Variants in DYNC1I1 observed in about 807,000 individuals in gnomAD.
The protein encoded by DYNC1I1 is dynein cytoplasmic 1 intermediate chain 1.
In DYNC1I1, 43 loss-of-function variants were observed where a neutral mutation model predicts 86.6. The ratio of observed to expected loss-of-function variants is 0.50; its 90% confidence interval spans 0.39 to 0.64. DYNC1I1 has a LOEUF of 0.64. DYNC1I1 is among the 30% of genes least tolerant of loss of function. DYNC1I1 has a pLI of 0.00. For missense variants in DYNC1I1, 604 were observed against 788.8 expected, an observed-to-expected ratio of 0.77 and a Z score of 2.81; for synonymous variants, 262 against 283.7, an observed-to-expected ratio of 0.92 and a Z score of 0.77.
intron 10 of DYNC1I1, among the ~76,000 whole-genome samples, chr7:96,027,724 A>T (rs189617565): frequency 6.6e-6 from 1 of 152,280 alleles, no homozygotes; most frequent in African/African-American, 2.4e-5. Flanking sequence ...TGAATCTAGA[A>T]TTACTCTGCC....
chr7:95,947,930 C>G (rs1243281512), intron 6 of DYNC1I1, among the ~76,000 whole-genome samples: 2 of 146,320 alleles, frequency 1.4e-5, no homozygotes, highest in Non-Finnish European at 3.0e-5. Context: ...TTCTCTCCAT[C>G]TTTTCAAACT....
intron 1 of DYNC1I1, among the ~76,000 whole-genome samples, chr7:95,779,227 CCT>C (rs566978070): frequency 2.0e-4 from 31 of 152,186 alleles, no homozygotes; most frequent in African/African-American, 7.5e-4. Flanking sequence ...TGAAATCTTC[CCT>C]GTTTAAATAA....
Position 96,094,210 on chromosome 7 carries a change from T to C in DYNC1I1, c.1777-3273T>C, listed in dbSNP as rs1790930500. Among the ~76,000 whole-genome samples, 2 of 152,180 alleles carry C rather than the reference T, an allele frequency of 1.3e-5. 1 individual carries two copies. The highest frequency in any genetic ancestry group is 4.1e-4 in the South Asian group (2 of 4,828). ...GTATCTTTAATTCAAACACAGTGCCTGACATATAAATGGCACTCAATCAAT... is the reference window on the plus strand; with the variant it reads ...GTATCTTTAATTCAAACACAGTGCCCGACATATAAATGGCACTCAATCAAT... On this transcript the variant is annotated intron_variant, in intron 16 of 16. Coordinates refer to ENST00000447467, the MANE Select transcript of DYNC1I1 (RefSeq NM_001135556.2).
chr7:95,936,921 T>C (rs1039533257), intron 6 of DYNC1I1, among the ~76,000 whole-genome samples: 4 of 146,566 alleles, frequency 2.7e-5, no homozygotes, highest in African/African-American at 7.6e-5. Flanking sequence ...GCAAACAACC[T>C]GTTTGTCCAC....
intron 10 of DYNC1I1, among the ~76,000 whole-genome samples, chr7:96,011,553 C>T (rs1794276148): frequency 6.6e-6 from 1 of 152,084 alleles, no homozygotes; most frequent in South Asian, 2.1e-4. Flanking sequence ...GTGAAATTTG[C>T]AGTTATTTCC....
Position 95,987,193 on chromosome 7 carries a change from T to C in DYNC1I1, c.843+38T>C, listed in dbSNP as rs761964070. ...GCTGGGCTGGGACAAACTGGGCTTGTGTTCTCGTGGCATTTGTATAAAAAA... is the reference window on the plus strand; with the variant it reads ...GCTGGGCTGGGACAAACTGGGCTTGCGTTCTCGTGGCATTTGTATAAAAAA... On this transcript the variant is annotated intron_variant, in intron 9 of 16. Coordinates refer to ENST00000447467, the MANE Select transcript of DYNC1I1 (RefSeq NM_001135556.2). The C allele has an allele frequency of 2.7e-5, 41 of 1,538,362 alleles. 1 individual carries two copies. In the Admixed American group the frequency reaches 6.9e-4, roughly 26 times the overall value.
At chr7:96,106,588 A>G (rs1466245036) in intron 16 of DYNC1I1, among the ~76,000 whole-genome samples, 2 of 150,602 alleles carry the variant, frequency 1.3e-5, no homozygotes, top group African/African-American at 4.9e-5. Context: ...TGCTTTTACT[A>G]TATTCCACAG....
intron 10 of DYNC1I1, among the ~76,000 whole-genome samples, chr7:96,014,781 T>C (rs978645719): frequency 6.6e-6 from 1 of 152,206 alleles, no homozygotes; most frequent in Admixed American, 6.5e-5. Context: ...AGACAATTCA[T>C]TATAATTTAT....
chr7:96,075,775 T>C (rs868641152), intron 14 of DYNC1I1, among the ~76,000 whole-genome samples: 1 of 152,104 alleles, frequency 6.6e-6, no homozygotes. Flanking sequence ...GAAAGTCCGG[T>C]CCACCTGTCT....
At chr7:96,012,151 T>A (rs1794290911) in intron 10 of DYNC1I1, among the ~76,000 whole-genome samples, 1 of 152,120 alleles carries the variant, frequency 6.6e-6, no homozygotes, top group Non-Finnish European at 1.5e-5. Context: ...AGAAGGTATA[T>A]GGATTGTGAT....
At chr7:95,911,083 C>T (rs756781256) in intron 6 of DYNC1I1, among the ~76,000 whole-genome samples, 5 of 152,148 alleles carry the variant, frequency 3.3e-5, no homozygotes, top group Non-Finnish European at 7.3e-5. Context: ...CATTCTCACT[C>T]AAGTGTGGGG....
chr7:95,910,663 A>C (rs1383117456), intron 6 of DYNC1I1, among the ~76,000 whole-genome samples: 2 of 152,244 alleles, frequency 1.3e-5, no homozygotes, highest in Non-Finnish European at 2.9e-5. Context: ...CATTAGAAGA[A>C]TAGGAATCAG....
intron 15 of DYNC1I1, among the ~76,000 whole-genome samples, chr7:96,077,719 A>C (rs1790386682): frequency 6.6e-6 from 1 of 152,190 alleles, no homozygotes; most frequent in Non-Finnish European, 1.5e-5. Context: ...TGAGATGTTT[A>C]AGTGATACCC....
At chr7:95,879,733 G>T (rs1171358438) in intron 6 of DYNC1I1, among the ~76,000 whole-genome samples, 1 of 152,090 alleles carries the variant, frequency 6.6e-6, no homozygotes, top group Non-Finnish European at 1.5e-5. Flanking sequence ...TTCATGGGGG[G>T]TACATTAAGA....
chr7:95,800,965 A>C (rs2629051), intron 1 of DYNC1I1, among the ~76,000 whole-genome samples: 18,952 of 152,220 alleles, frequency 0.12, 1,278 homozygotes, highest in African/African-American at 0.18. Flanking sequence ...AATCCTACGG[A>C]GTTCACTGCT....
chr7:95,954,275 T>C (rs776862625), intron 6 of DYNC1I1, among the ~76,000 whole-genome samples: 2 of 150,876 alleles, frequency 1.3e-5, no homozygotes, highest in Non-Finnish European at 2.9e-5. Context: ...CTATCTAGTA[T>C]GGGAGCCACT....
At chr7:95,947,750 T>A (rs1562952849) in intron 6 of DYNC1I1, among the ~76,000 whole-genome samples, 1 of 152,002 alleles carries the variant, frequency 6.6e-6, no homozygotes, top group Non-Finnish European at 1.5e-5. Flanking sequence ...CTGCATAAAA[T>A]AATGGGAGAA....
At chr7:95,811,646 G>T (rs1794832687) in intron 3 of DYNC1I1, among the ~76,000 whole-genome samples, 1 of 152,034 alleles carries the variant, frequency 6.6e-6, no homozygotes, top group African/African-American at 2.4e-5. Context: ...GGTAAAAATA[G>T]TATGTTCAAC....
chr7:95,812,117 GACC>G (rs1794844190), intron 3 of DYNC1I1, among the ~76,000 whole-genome samples: 1 of 152,108 alleles, frequency 6.6e-6, no homozygotes, highest in South Asian at 2.1e-4. Context: ...TTAATTGTGG[GACC>G]ACATGAAAAT....
Sources: allele counts gnomAD v4.1 joint callset (sites outside exome capture counted in the v4.1 genomes callset), GRCh38; gene constraint gnomAD v4.1.1; transcripts MANE v1.5; gene names NCBI Gene and HGNC (gene_info 2026-07-23, HGNC 2026-07-21).